The following HSD17B12 variants were observed in gnomAD, a reference collection of about 807,000 sequenced individuals.
HSD17B12 encodes hydroxysteroid 17-beta dehydrogenase 12.
HSD17B12 carries 32 observed loss-of-function variants against 39.3 expected under a neutral mutation model. The observed-to-expected ratio is 0.81, with a 90% CI of 0.61 to 1.09. HSD17B12 has a LOEUF of 1.09. HSD17B12 is among the 50% of genes least tolerant of loss of function. The pLI is 0.00. For synonymous variants in HSD17B12, 150 were observed against 146.7 expected, an observed-to-expected ratio of 1.02 and a Z score of -0.16; for missense variants, 342 against 382.9, an observed-to-expected ratio of 0.89 and a Z score of 0.89.
chr11:43,565,050 C>A, the HSD17B12 span, among the ~76,000 whole-genome samples: 1 of 152,112 alleles, frequency 6.6e-6, no homozygotes, highest in Non-Finnish European at 1.5e-5. Context: ...CAGGTGCCCA[C>A]CACCAAGCCT....
chr11:43,679,452 C>T (rs980473188), upstream of HSD17B12, among the ~76,000 whole-genome samples: 18 of 152,080 alleles, frequency 1.2e-4, no homozygotes, highest in Admixed American at 3.3e-4. Flanking sequence ...AAAACCCCAT[C>T]GTCTCAGCCC....
At chr11:43,675,850 G>A (rs1949689861), upstream of HSD17B12, among the ~76,000 whole-genome samples, 1 of 152,140 alleles carries the variant, frequency 6.6e-6, no homozygotes, top group South Asian at 2.1e-4. Context: ...GTTGGCTCAT[G>A]CCTGTAATCC....
the HSD17B12 span, among the ~76,000 whole-genome samples, chr11:43,662,898 A>C: frequency 1.3e-5 from 2 of 152,234 alleles, no homozygotes; most frequent in Non-Finnish European, 2.9e-5. Flanking sequence ...ACTAGTCTTC[A>C]CCAGAGTGTC....
intron 1 of HSD17B12, among the ~76,000 whole-genome samples, chr11:43,738,262 T>A (rs1950334952): frequency 6.6e-6 from 1 of 152,058 alleles, no homozygotes; most frequent in Non-Finnish European, 1.5e-5. Context: ...GATGTGCAGG[T>A]TTGTTACAGA....
chr11:43,720,802 A>G (rs1950169491), intron 1 of HSD17B12, among the ~76,000 whole-genome samples: 1 of 127,124 alleles, frequency 7.9e-6, no homozygotes, highest in African/African-American at 2.9e-5. Context: ...CTGTGTATGT[A>G]TCTGGCTCAC....
chr11:43,610,775 A>G, the HSD17B12 span, among the ~76,000 whole-genome samples: 15 of 152,312 alleles, frequency 9.8e-5, no homozygotes, highest in African/African-American at 2.6e-4. Flanking sequence ...TTTTTAAAAA[A>G]TCATTGCTGT....
At chr11:43,711,601 A>G (rs1442835593) in intron 1 of HSD17B12, among the ~76,000 whole-genome samples, 1 of 151,964 alleles carries the variant, frequency 6.6e-6, no homozygotes, top group Admixed American at 6.6e-5. Flanking sequence ...CAGCCTCCCA[A>G]GTAGCTGCAG....
intron 9 of HSD17B12, chr11:43,852,532 G>C (rs995423140): frequency 2.6e-5 from 4 of 151,454 alleles, no homozygotes; most frequent in Non-Finnish European, 4.4e-5. Flanking sequence ...GTTTGCTTAT[G>C]TTCCTTCATT....
chr11:43,681,411 T>G (rs545217350), intron 1 of HSD17B12: 2 of 159,442 alleles, frequency 1.3e-5, no homozygotes, highest in East Asian at 3.8e-4. Context: ...GGCCCTGTGC[T>G]AAGGATGCAG....
chr11:43,690,288 A>G (rs1284927785), intron 1 of HSD17B12, among the ~76,000 whole-genome samples: 1 of 148,332 alleles, frequency 6.7e-6, no homozygotes, highest in Non-Finnish European at 1.5e-5. Flanking sequence ...ACCTAGAACA[A>G]TGTCTGTACA....
At chr11:43,588,153 A>G in the HSD17B12 span, among the ~76,000 whole-genome samples, 1 of 152,182 alleles carries the variant, frequency 6.6e-6, no homozygotes, top group East Asian at 1.9e-4. Context: ...GAACTTTTTC[A>G]TTTAGGGCAA....
chr11:43,785,962 T>C (rs1379375794), intron 3 of HSD17B12, among the ~76,000 whole-genome samples: 1 of 152,244 alleles, frequency 6.6e-6, no homozygotes, highest in Non-Finnish European at 1.5e-5. Context: ...AGAAAAGTTT[T>C]TTCTCTTAAG....
At chr11:43,719,959 A>G (rs1006878574) in intron 1 of HSD17B12, among the ~76,000 whole-genome samples, 1 of 152,198 alleles carries the variant, frequency 6.6e-6, no homozygotes, top group Non-Finnish European at 1.5e-5. Context: ...GATTGATTCT[A>G]TGTCCCAAAA....
At chr11:43,691,239 C>T (rs1159007861) in intron 1 of HSD17B12, among the ~76,000 whole-genome samples, 2 of 152,160 alleles carry the variant, frequency 1.3e-5, no homozygotes, top group Non-Finnish European at 2.9e-5. Flanking sequence ...AGACACTGTC[C>T]AGGTAACCAG....
chr11:43,570,415 T>A, the HSD17B12 span: 1 of 152,242 alleles, frequency 6.6e-6, no homozygotes, highest in Non-Finnish European at 1.5e-5. Context: ...AATGGCTTCA[T>A]ACTGGGCATT....
At chr11:43,634,764 G>A in the HSD17B12 span, among the ~76,000 whole-genome samples, 1 of 152,220 alleles carries the variant, frequency 6.6e-6, no homozygotes, top group African/African-American at 2.4e-5. Flanking sequence ...TGGGCTTGGA[G>A]CAGTTCAGCG....
chr11:43,604,658 C>T, the HSD17B12 span, among the ~76,000 whole-genome samples: 2 of 152,122 alleles, frequency 1.3e-5, no homozygotes, highest in Non-Finnish European at 2.9e-5. Context: ...ATGAGTTAGT[C>T]TAATGCTGTG....
chr11:43,825,214 A>G (rs1348953607), intron 6 of HSD17B12, among the ~76,000 whole-genome samples: 1 of 151,966 alleles, frequency 6.6e-6, no homozygotes, highest in Non-Finnish European at 1.5e-5. Context: ...AAATCAGAGT[A>G]TGAGACCCTT....
At chr11:43,711,949 C>T (rs1427949716) in intron 1 of HSD17B12, among the ~76,000 whole-genome samples, 1 of 152,146 alleles carries the variant, frequency 6.6e-6, no homozygotes, top group Non-Finnish European at 1.5e-5. Context: ...TGAATGGACT[C>T]CCTCATCAGC....
Sources: gnomAD v4.1 joint callset for allele counts (sites outside exome capture counted in the v4.1 genomes callset) on GRCh38, gnomAD v4.1.1 for gene constraint, MANE v1.5 for transcripts, NCBI Gene and HGNC (gene_info 2026-07-23, HGNC 2026-07-21) for gene names.